The following CIITA variants were observed in gnomAD, a reference collection of about 807,000 sequenced individuals.
CIITA encodes MHC class II transactivator.
In CIITA, 72 loss-of-function variants were observed where a neutral mutation model predicts 115.1. That is an observed-to-expected ratio of 0.63 (90% CI 0.52 to 0.76). The LOEUF (loss-of-function observed/expected upper bound fraction) is 0.76. CIITA is among the 30% of genes least tolerant of loss of function. The pLI is 0.00. For synonymous variants in CIITA, 763 were observed against 635.6 expected (o/e 1.20, Z -3.02); for missense variants, 1,617 against 1,463.8 (o/e 1.10, Z -1.71).
chr16:10,900,459 G>T (rs546342322), intron 5 of CIITA, among the ~76,000 whole-genome samples: 4 of 151,966 alleles, frequency 2.6e-5, no homozygotes, highest in Admixed American at 1.3e-4. Context: ...AAAGTTTTCG[G>T]CCAGGCGTGG....
upstream of CIITA, among the ~76,000 whole-genome samples, chr16:10,873,848 G>T (rs543559186): frequency 6.6e-6 from 1 of 152,160 alleles, no homozygotes; most frequent in African/African-American, 2.4e-5. Flanking sequence ...GGCTTCAGCA[G>T]CACCTCTCCT....
Position 10,929,172 on chromosome 16 carries a change from G to T in CIITA, c.*5317G>T. Reference sequence around the variant, plus strand: ...CCCCTGAAACAGTCGCTGCATCTAAGACCAGCCTCGGGCTAAACCCAGCTG... The same window carrying T: ...CCCCTGAAACAGTCGCTGCATCTAATACCAGCCTCGGGCTAAACCCAGCTG... On this transcript the variant is annotated 3_prime_UTR_variant, in exon 20 of 20. Transcript: ENST00000324288. The surrounding 1 kb of genome is among the most constrained non-coding windows in gnomAD (Gnocchi z 4.3). 1 of 976,910 alleles carries T rather than the reference G, an allele frequency of 1.0e-6. No homozygotes were observed. Among genetic ancestry groups the T allele is most frequent in the Non-Finnish European group, 1.2e-6 (1 of 821,894 alleles). The allele number at this position is 976,910 out of a possible 1,614,324, so 60.5% of individuals were successfully genotyped here. A position where few individuals can be genotyped will look rare whatever the true frequency, so the allele number is the denominator to read the frequency against.
At chr16:10,893,493 T>C (rs1372238814) in intron 1 of CIITA, among the ~76,000 whole-genome samples, 1 of 152,150 alleles carries the variant, frequency 6.6e-6, no homozygotes, top group African/African-American at 2.4e-5. Flanking sequence ...AACAGCTTTA[T>C]TGAGATGTAA....
intron 1 of CIITA, among the ~76,000 whole-genome samples, chr16:10,889,373 AC>A (rs1488572474): frequency 5.9e-5 from 9 of 151,932 alleles, no homozygotes; most frequent in Non-Finnish European, 1.2e-4. Flanking sequence ...TTGTGGGGAA[AC>A]CTAGAGTCTT....
intron 13 of CIITA, among the ~76,000 whole-genome samples, chr16:10,911,488 CTCTT>C (rs1414542625): frequency 2.1e-5 from 3 of 145,920 alleles, no homozygotes; most frequent in Non-Finnish European, 3.0e-5. Context: ...TCTTTCCATT[CTCTT>C]TCTTTCTCTT....
intron 1 of CIITA, among the ~76,000 whole-genome samples, chr16:10,870,235 G>T (rs1315298469): frequency 6.7e-6 from 1 of 150,088 alleles, no homozygotes; most frequent in South Asian, 2.1e-4. Flanking sequence ...AACCCAAGGG[G>T]CTACCGTAAA....
intron 1 of CIITA, among the ~76,000 whole-genome samples, chr16:10,887,416 GCA>G (rs2037066337): frequency 6.6e-6 from 1 of 152,140 alleles, no homozygotes; most frequent in Non-Finnish European, 1.5e-5. Context: ...ATGTCTCTAG[GCA>G]CACAGTTCAG....
rs2040833445 is a variant in CIITA at position 10,932,349 on chromosome 16, T to A, written c.*8494T>A. ...TCGAACTCATGTCTTAACTCACTTA[T>A]CCCTCAAAAACAACTCTAGGAGGTA... On this transcript the variant is annotated 3_prime_UTR_variant, in exon 20 of 20. Transcript: ENST00000324288. 1 of 152,214 alleles carries A rather than the reference T, an allele frequency of 6.6e-6. No homozygotes were observed. Among genetic ancestry groups the A allele is most frequent in the Non-Finnish European group, 1.5e-5 (1 of 68,056 alleles). The allele number at this position is 152,214 out of a possible 1,614,324, so 9.4% of individuals were successfully genotyped here. A position where few individuals can be genotyped will look rare whatever the true frequency, so the allele number is the denominator to read the frequency against.
chr16:10,912,192 G>T (rs978786032), intron 13 of CIITA, among the ~76,000 whole-genome samples: 3 of 151,922 alleles, frequency 2.0e-5, no homozygotes, highest in Admixed American at 6.6e-5. Flanking sequence ...TTGGCTCACT[G>T]CAATCTCCAC....
upstream of CIITA, among the ~76,000 whole-genome samples, chr16:10,875,316 G>C (rs1333060903): frequency 6.6e-6 from 1 of 152,140 alleles, no homozygotes; most frequent in African/African-American, 2.4e-5. Context: ...AAGCAAGGCT[G>C]TTTCAAATTG....
intron 13 of CIITA, among the ~76,000 whole-genome samples, chr16:10,912,540 C>T (rs534971461): frequency 4.6e-5 from 7 of 152,290 alleles, no homozygotes; most frequent in Middle Eastern, 3.4e-3. Flanking sequence ...GTGACTTGCC[C>T]GTGGTCCCCC....
intron 1 of CIITA, among the ~76,000 whole-genome samples, chr16:10,868,684 C>T (rs189190654): frequency 1.9e-4 from 29 of 152,284 alleles, no homozygotes; most frequent in Admixed American, 7.2e-4. Context: ...CCCCTCCTGC[C>T]CCAGCCACAT....
At chr16:10,916,995 A>G (rs895719730) in intron 15 of CIITA, 6 of 250,932 alleles carry the variant, frequency 2.4e-5, no homozygotes, top group African/African-American at 1.3e-4. Flanking sequence ...CAAGTCGGTA[A>G]TTATAAAGTA....
At position 10,923,709 on chromosome 16, in the gene CIITA, A is replaced by G. The variant is rs75706434; in HGVS notation, c.*23-169A>G. On this transcript the variant is annotated intron_variant, in intron 19 of 19. Coordinates refer to ENST00000324288, the MANE Select transcript of CIITA (RefSeq NM_000246.4). This position sits in a 1 kb window ranked among gnomAD's most constrained non-coding sequence, Gnocchi z 5.2. ...CTTGACAAGTCTCCTGCTCCTCACT[A>G]TGAAGATCACTGTCCCCCAGCCCTG... Among the ~76,000 whole-genome samples the G allele has an allele frequency of 0.013, 1,914 of 151,950 alleles. 20 individuals carry two copies. The highest frequency in any genetic ancestry group is 0.027 in the Middle Eastern group (8 of 294).
intron 3 of CIITA, 86 bp downstream of exon 3, chr16:10,895,850 G>A: frequency 7.9e-7 from 1 of 1,271,322 alleles, no homozygotes; most frequent in Non-Finnish European, 1.1e-6. Context: ...TTCATCATGA[G>A]CCACGTCAGT....
rs115586757 is a variant in CIITA, at chr16:10,885,351, T to C, written c.52+7969T>C. ...TTACACACATACACATGCACACACATGCATGCAGGCACATGCACGCACGTC... is the reference window on the plus strand; with the variant it reads ...TTACACACATACACATGCACACACACGCATGCAGGCACATGCACGCACGTC... On this transcript the variant is annotated intron_variant, in intron 1 of 19. Coordinates refer to ENST00000324288, the MANE Select transcript of CIITA (RefSeq NM_000246.4). 3.6e-3 allele frequency among the ~76,000 whole-genome samples: 547 copies of C among 152,220 alleles called. 4 individuals carry two copies. Among genetic ancestry groups the C allele is most frequent in the African/African-American group, 0.013 (524 of 41,542 alleles).
At chr16:10,904,455 A>C (rs1317531176) in intron 9 of CIITA, among the ~76,000 whole-genome samples, 1 of 152,170 alleles carries the variant, frequency 6.6e-6, no homozygotes, top group Non-Finnish European at 1.5e-5. Flanking sequence ...TCCTGATCTC[A>C]AGTGATCCAC....
At chr16:10,897,315 C>T (rs1567394408) in intron 3 of CIITA, among the ~76,000 whole-genome samples, 1 of 152,126 alleles carries the variant, frequency 6.6e-6, no homozygotes, top group Non-Finnish European at 1.5e-5. Flanking sequence ...GATAGTCTCT[C>T]TTCCTCTTCT....
rs556711796 is a variant in CIITA at position 10,915,025 on chromosome 16, C to T, written c.2889-545C>T. 23 of 456,082 alleles carry T rather than the reference C, an allele frequency of 5.0e-5. No individual in the cohort carries two copies. The Middle Eastern group carries it at 1.3e-3, about 26-fold the overall frequency. The allele number at this position is 456,082 out of a possible 1,614,324, so 28.3% of individuals were successfully genotyped here. A position where few individuals can be genotyped will look rare whatever the true frequency, so the allele number is the denominator to read the frequency against. ...AGCTGGGGAGCCCCAAGATGGGAGC[C>T]CAACTTACCTCTTTTTCTTTTCTTT... On this transcript the variant is annotated intron_variant, in intron 13 of 19. Transcript: ENST00000324288.
Sources: gnomAD v4.1 joint callset for allele counts (sites outside exome capture counted in the v4.1 genomes callset) on GRCh38, gnomAD v4.1.1 for gene constraint, Gnocchi (gnomAD v3.1) non-coding constraint, MANE v1.5 for transcripts, NCBI Gene and HGNC (gene_info 2026-07-23, HGNC 2026-07-21) for gene names.